The following BCAR3 variants were observed in gnomAD, a reference collection of about 807,000 sequenced individuals.
BCAR3 encodes the protein BCAR3 adaptor protein, NSP family member.
BCAR3 carries 37 observed loss-of-function variants against 80.1 expected under a neutral mutation model. The observed-to-expected ratio is 0.46, with a 90% CI of 0.36 to 0.61. The LOEUF is 0.61. BCAR3 is among the 20% of genes least tolerant of loss of function. The probability of loss-of-function intolerance (pLI) is 0.00; values close to 1 mark genes in which losing one functional copy is unlikely to be tolerated. For synonymous variants in BCAR3, 389 were observed against 418.9 expected (o/e 0.93, Z 0.87); for missense variants, 978 against 1,068.2 (o/e 0.92, Z 1.18).
At chr1:93,571,872 AG>A in intron 8 of BCAR3, 31 bp from the exon 9 acceptor site, 1 of 1,599,418 alleles carries the variant, frequency 6.3e-7, no homozygotes. Flanking sequence ...GGTCAGGTTC[AG>A]GGCCAATGGG....
At chr1:93,774,522 C>T (rs568648245) in intron 2 of BCAR3, among the ~76,000 whole-genome samples, 37 of 150,990 alleles carry the variant, frequency 2.5e-4, no homozygotes, top group Non-Finnish European at 5.0e-4. Context: ...AAACTATGTA[C>T]ATTTTGACCC....
At chr1:93,820,684 A>C (rs1039937438) in intron 2 of BCAR3, among the ~76,000 whole-genome samples, 2 of 152,144 alleles carry the variant, frequency 1.3e-5, no homozygotes, top group Non-Finnish European at 2.9e-5. Context: ...AACGTTGTTT[A>C]GGGTTTTTGT....
chr1:93,709,351 G>A (rs758233784), intron 2 of BCAR3, among the ~76,000 whole-genome samples: 2 of 152,182 alleles, frequency 1.3e-5, no homozygotes, highest in Non-Finnish European at 2.9e-5. Context: ...AAGCCAGCCT[G>A]CGGTCTGTTC....
chr1:93,838,372 C>T (rs1383181927), intron 2 of BCAR3, among the ~76,000 whole-genome samples: 1 of 152,190 alleles, frequency 6.6e-6, no homozygotes, highest in African/African-American at 2.4e-5. Context: ...AATCCATATC[C>T]ATGAGAAGTA....
At chr1:93,567,592 C>A in intron 10 of BCAR3, 101 bp from the exon 11 acceptor site, 1 of 1,439,586 alleles carries the variant, frequency 6.9e-7, no homozygotes, top group Non-Finnish European at 9.5e-7. Flanking sequence ...CAACTGCAGC[C>A]TTCTACAAGC....
At chr1:93,796,298 A>C (rs1399981477) in intron 2 of BCAR3, among the ~76,000 whole-genome samples, 1 of 133,240 alleles carries the variant, frequency 7.5e-6, no homozygotes, top group Non-Finnish European at 1.6e-5. Context: ...CTGTGCTAGC[A>C]ATCAGCGAGA....
chr1:93,674,989 A>G, intron 1 of BCAR3, 48 bp from the exon 2 acceptor site: 1 of 1,411,594 alleles, frequency 7.1e-7, no homozygotes, highest in Non-Finnish European at 9.5e-7. Flanking sequence ...GAGAGTCACA[A>G]GAACTGACTT....
At chr1:93,589,985 G>A (rs236320) in intron 4 of BCAR3, among the ~76,000 whole-genome samples, 33,679 of 152,052 alleles carry the variant, frequency 0.22, 5,225 homozygotes, top group East Asian at 0.54. Flanking sequence ...GGTATTTGTT[G>A]GTGTCTAGAA....
intron 2 of BCAR3, among the ~76,000 whole-genome samples, chr1:93,817,246 G>A (rs919759221): frequency 1.3e-5 from 2 of 152,248 alleles, no homozygotes; most frequent in East Asian, 3.8e-4. Context: ...ATGGGCCACT[G>A]GGCATCAAAG....
chr1:93,735,044 G>A (rs1383591423), intron 2 of BCAR3, among the ~76,000 whole-genome samples: 8 of 152,200 alleles, frequency 5.3e-5, no homozygotes, highest in Non-Finnish European at 1.2e-4. Context: ...CCTTGAGGCA[G>A]GGATGGTGCC....
At chr1:93,649,901 A>G (rs1161173200) in intron 2 of BCAR3, among the ~76,000 whole-genome samples, 4 of 151,100 alleles carry the variant, frequency 2.6e-5, no homozygotes, top group Non-Finnish European at 5.9e-5. Context: ...CCCGCAACCA[A>G]AAAAAAGCCC....
In BCAR3 at chr1:93,674,959, G is replaced by A. The variant is rs369615475; in HGVS notation, c.-11-18C>T. Reference sequence around the variant, plus strand: ...TCTCAACTCTAAGGGGGAAAGAAAAGAGTGAAGGTATAAATCTATGAGAGT... The same window carrying A: ...TCTCAACTCTAAGGGGGAAAGAAAAAAGTGAAGGTATAAATCTATGAGAGT... On this transcript the variant is annotated intron_variant, in intron 1 of 11. Transcript: ENST00000260502. 6.6e-7 allele frequency: 1 copy of A among 1,506,538 alleles called. No homozygotes were observed. Among genetic ancestry groups the A allele is most frequent in the East Asian group, 2.3e-5 (1 of 43,038 alleles). 93.3% of individuals were successfully genotyped at this position (1,506,538 alleles called of 1,614,324 possible).
In BCAR3 at chr1:93,592,454, G is replaced by T; in HGVS notation, c.358-61C>A. The T allele has an allele frequency of 6.6e-7, 1 of 1,516,692 alleles. No individual in the cohort carries two copies. The highest frequency in any genetic ancestry group is 8.8e-7 in the Non-Finnish European group (1 of 1,140,978). The allele number at this position is 1,516,692 out of a possible 1,614,324, so 94.0% of individuals were successfully genotyped here. A position where few individuals can be genotyped will look rare whatever the true frequency, so the allele number is the denominator to read the frequency against. On this transcript the variant is annotated intron_variant, in intron 3 of 11. Transcript: ENST00000260502. The surrounding 1 kb of genome is among the most constrained non-coding windows in gnomAD (Gnocchi z 4.8). The stretch of plus-strand genomic sequence containing the variant: ...CAGGCCACACCAGGCCATGCCAGCT[G>T]GAGGTGACCGCCTGCTTCACTAATC...
chr1:93,671,951 C>A (rs1648220247), intron 2 of BCAR3, among the ~76,000 whole-genome samples: 1 of 151,924 alleles, frequency 6.6e-6, no homozygotes, highest in African/African-American at 2.4e-5. Context: ...CTTTACGACC[C>A]TTTAACAGAG....
intron 2 of BCAR3, among the ~76,000 whole-genome samples, chr1:93,672,138 C>T (rs903725179): frequency 6.6e-6 from 1 of 152,170 alleles, no homozygotes; most frequent in African/African-American, 2.4e-5. Flanking sequence ...TCTTCCACAG[C>T]CTGGACTTCA....
chr1:93,713,744 C>T (rs1189938545), intron 2 of BCAR3, among the ~76,000 whole-genome samples: 1 of 152,126 alleles, frequency 6.6e-6, no homozygotes, highest in Non-Finnish European at 1.5e-5. Context: ...CATGTAGCCT[C>T]TAGGACTTTC....
At chr1:93,724,112 A>G (rs1272420574) in intron 2 of BCAR3, among the ~76,000 whole-genome samples, 3 of 152,160 alleles carry the variant, frequency 2.0e-5, no homozygotes, top group Non-Finnish European at 4.4e-5. Flanking sequence ...CACTAATCCC[A>G]CTGAGCTGCA....
At chr1:93,672,148 A>G (rs752607801) in intron 2 of BCAR3, among the ~76,000 whole-genome samples, 2 of 152,192 alleles carry the variant, frequency 1.3e-5, no homozygotes, top group African/African-American at 2.4e-5. Flanking sequence ...CCTGGACTTC[A>G]AACTCAGGAC....
At chr1:93,591,414 G>A (rs1265194049) in intron 4 of BCAR3, among the ~76,000 whole-genome samples, 1 of 152,108 alleles carries the variant, frequency 6.6e-6, no homozygotes, top group East Asian at 1.9e-4. Context: ...GGTAGAGGTT[G>A]CAGTGAGCTG....
Sources: gnomAD v4.1 joint callset for allele counts (sites outside exome capture counted in the v4.1 genomes callset) on GRCh38, gnomAD v4.1.1 for gene constraint, Gnocchi (gnomAD v3.1) non-coding constraint, MANE v1.5 for transcripts, NCBI Gene and HGNC (gene_info 2026-07-23, HGNC 2026-07-21) for gene names.